Variants in RASGRP3 observed in about 807,000 individuals in gnomAD.
RASGRP3 encodes the protein ras guanyl-releasing protein 3.
Under a neutral mutation model 82.7 loss-of-function variants are expected in RASGRP3, and 54 were observed. That is an observed-to-expected ratio of 0.65 (90% CI 0.52 to 0.82). RASGRP3 has a LOEUF of 0.82. Ranked by LOEUF, RASGRP3 falls within the 40% of genes least tolerant of loss-of-function variation. RASGRP3 has a pLI of 0.00. For synonymous variants in RASGRP3, 309 were observed against 300.5 expected (o/e 1.03, Z -0.29); for missense variants, 861 against 828.9 (o/e 1.04, Z -0.48).
At chr2:33,534,603 A>G (rs966993434) in intron 11 of RASGRP3, among the ~76,000 whole-genome samples, 2 of 151,678 alleles carry the variant, frequency 1.3e-5, no homozygotes, top group African/African-American at 2.4e-5. Flanking sequence ...ATCTCGGCTC[A>G]CTGAAACCTC....
At chr2:33,551,334 C>T (rs1408765677) in intron 14 of RASGRP3, among the ~76,000 whole-genome samples, 1 of 151,996 alleles carries the variant, frequency 6.6e-6, no homozygotes, top group African/African-American at 2.4e-5. Flanking sequence ...AAATGGTCTC[C>T]TTTTTCATGT....
Position 33,558,942 on chromosome 2 carries a change from G to T in RASGRP3, c.1976G>T (p.Arg659Met). The T allele has an allele frequency of 1.2e-6, 2 of 1,613,986 alleles. No homozygotes were observed. ...GFAKWENEKP[R>M]VHAGVDVVDR... ...GCCAAATGGGAAAATGAGAAGCCCAGGGTGCATGCTGGTGTGGATGTTGTA... is the reference window on the plus strand; with the variant it reads ...GCCAAATGGGAAAATGAGAAGCCCATGGTGCATGCTGGTGTGGATGTTGTA... Residue 659 changes from arginine (R) to methionine (M), a missense_variant, in exon 17 of 18, where the codon AGG becomes ATG. By Grantham distance (91) the Arg-to-Met change is moderately conservative. Transcript: ENST00000403687.
upstream of RASGRP3, among the ~76,000 whole-genome samples, chr2:33,472,912 G>T (rs1667145209): frequency 6.6e-6 from 1 of 150,754 alleles, no homozygotes; most frequent in South Asian, 2.1e-4. Flanking sequence ...GTTGCCTTTG[G>T]TCTTTGGGGA....
intron 1 of RASGRP3, among the ~76,000 whole-genome samples, chr2:33,510,388 G>A (rs963626760): frequency 6.6e-6 from 1 of 152,296 alleles, no homozygotes; most frequent in East Asian, 1.9e-4. Context: ...ATACTTCCTA[G>A]ATACCGTCTG....
chr2:33,518,156 A>C (rs1671639252), intron 4 of RASGRP3, among the ~76,000 whole-genome samples: 1 of 152,206 alleles, frequency 6.6e-6, no homozygotes, highest in Non-Finnish European at 1.5e-5. Flanking sequence ...GATTGTGCAA[A>C]CATCATAGAG....
chr2:33,517,604 G>A (rs1258971779), intron 4 of RASGRP3, among the ~76,000 whole-genome samples: 5 of 152,158 alleles, frequency 3.3e-5, no homozygotes, highest in Admixed American at 1.3e-4. Context: ...AGCAGAAAAG[G>A]ATATTAGACA....
chr2:33,509,880 TTTA>T (rs539728502), intron 1 of RASGRP3, among the ~76,000 whole-genome samples: 98 of 152,340 alleles, frequency 6.4e-4, no homozygotes, highest in Non-Finnish European at 1.3e-3. Flanking sequence ...TTTCAGAGTT[TTTA>T]TTATTTCATT....
chr2:33,461,906 G>A (rs1666387897), intron 2 of RASGRP3, among the ~76,000 whole-genome samples: 1 of 152,324 alleles, frequency 6.6e-6, no homozygotes. Flanking sequence ...CAGGCCTCAC[G>A]AGGTTATAAC....
chr2:33,525,536 G>C (rs946168339), intron 9 of RASGRP3, among the ~76,000 whole-genome samples: 6 of 151,318 alleles, frequency 4.0e-5, no homozygotes, highest in African/African-American at 1.2e-4. Flanking sequence ...AAAAGAAAAA[G>C]AAAAAAACTT....
chr2:33,550,145 T>C (rs781634307), intron 14 of RASGRP3, among the ~76,000 whole-genome samples: 3 of 152,202 alleles, frequency 2.0e-5, no homozygotes, highest in Non-Finnish European at 4.4e-5. Context: ...AAATCCGTCA[T>C]GGCATGGTTC....
At chr2:33,469,454 T>C (rs1260454481) in intron 2 of RASGRP3, among the ~76,000 whole-genome samples, 3 of 150,982 alleles carry the variant, frequency 2.0e-5, no homozygotes, top group Non-Finnish European at 4.4e-5. Flanking sequence ...TCTTCAAGTT[T>C]GTATGTGATT....
In RASGRP3 at chr2:33,519,975, G is replaced by T. The variant is rs372849070; in HGVS notation, c.197G>T (p.Ser66Ile). The T allele has an allele frequency of 1.2e-6, 2 of 1,610,522 alleles. No individual in the cohort carries two copies. Among genetic ancestry groups the T allele is most frequent in the Non-Finnish European group, 1.7e-6 (2 of 1,178,344 alleles). ...LCMYRNATGE[S>I]CNEFRLKICY... ...ACGTATCGAAATGCCACTGGAGAAA[G>T]CTGCAATGAATTTCGATTAAAGATC... Residue 66 changes from serine to isoleucine, a missense_variant, in exon 5 of 18, where the codon AGC becomes ATC. Physicochemically the swap from Ser to Ile is moderately radical, Grantham distance 142 (BLOSUM62 -2). Transcript: ENST00000403687.
At chr2:33,527,494 C>T in intron 10 of RASGRP3, 82 bp downstream of exon 10, 1 of 1,389,716 alleles carries the variant, frequency 7.2e-7, no homozygotes, top group Non-Finnish European at 9.7e-7. Context: ...TGTGTGCCAG[C>T]AATTCATTCT....
intron 1 of RASGRP3, among the ~76,000 whole-genome samples, chr2:33,440,424 C>A (rs1438248885): frequency 1.3e-5 from 2 of 152,152 alleles, no homozygotes; most frequent in Non-Finnish European, 2.9e-5. Flanking sequence ...ATGGAACCAC[C>A]ATGTGTAGGG....
Position 33,524,064 on chromosome 2 carries a change from A to G in RASGRP3, c.690+12A>G, listed in dbSNP as rs1254020924. Reference sequence around the variant, plus strand: ...TCAATGTTGCAAAGGTATGTCTGGTAATCAGACTGGGTTCTTGAGTTCTAG... The same window carrying G: ...TCAATGTTGCAAAGGTATGTCTGGTGATCAGACTGGGTTCTTGAGTTCTAG... On this transcript the variant is annotated intron_variant, in intron 8 of 17. Transcript: ENST00000403687. The G allele has an allele frequency of 1.2e-6, 2 of 1,611,688 alleles. No individual in the cohort carries two copies. Among genetic ancestry groups the G allele is most frequent in the Non-Finnish European group, 1.7e-6 (2 of 1,178,152 alleles).
At chr2:33,440,097 T>G (rs1483583869) in intron 1 of RASGRP3, among the ~76,000 whole-genome samples, 2 of 151,978 alleles carry the variant, frequency 1.3e-5, no homozygotes, top group Non-Finnish European at 2.9e-5. Flanking sequence ...GTCAGGGAGT[T>G]AGTGAGAGGG....
intron 1 of RASGRP3, among the ~76,000 whole-genome samples, chr2:33,438,562 C>CAAA (rs57229316): frequency 7.8e-6 from 1 of 128,476 alleles, no homozygotes; most frequent in Non-Finnish European, 1.6e-5. Flanking sequence ...ACTCCATCGC[C>CAAA]AAAAAAAAAA....
At chr2:33,491,872 G>A (rs1008315302) in intron 1 of RASGRP3, among the ~76,000 whole-genome samples, 1 of 152,230 alleles carries the variant, frequency 6.6e-6, no homozygotes, top group Non-Finnish European at 1.5e-5. Context: ...TTAGGCTAGG[G>A]CACAATGGAC....
chr2:33,488,505 G>A (rs1668585907), intron 1 of RASGRP3, among the ~76,000 whole-genome samples: 1 of 152,124 alleles, frequency 6.6e-6, no homozygotes, highest in Admixed American at 6.5e-5. Context: ...AGGAAAGGAG[G>A]TAAAATGCTC....
Sources: allele counts gnomAD v4.1 joint callset (sites outside exome capture counted in the v4.1 genomes callset), GRCh38; gene constraint gnomAD v4.1.1; transcripts MANE v1.5; gene names NCBI Gene and HGNC (gene_info 2026-07-23, HGNC 2026-07-21).